The following ABCA13 variants were observed in gnomAD, a reference collection of about 807,000 sequenced individuals.
ABCA13 encodes ATP-binding cassette sub-family A member 13.
A neutral mutation model predicts 478.7 loss-of-function variants in ABCA13; 476 were observed. The observed-to-expected ratio is 0.99, with a 90% CI of 0.92 to 1.07. The LOEUF is 1.07. Among genes scored for constraint, ABCA13 ranks in the 50% least tolerant of loss-of-function variants. ABCA13 has a pLI of 0.00. For synonymous variants in ABCA13, 2,252 were observed against 2,158.9 expected (o/e 1.04, Z -1.20); for missense variants, 6,060 against 5,910.6 (o/e 1.03, Z -0.83).
chr7:48,414,533 AAAT>A (rs1284216090), intron 41 of ABCA13, among the ~76,000 whole-genome samples: 1 of 150,014 alleles, frequency 6.7e-6, no homozygotes, highest in African/African-American at 2.4e-5. Flanking sequence ...TTATTTAATA[AAAT>A]AATACATATA....
chr7:48,225,463 T>G (rs772106366), intron 5 of ABCA13, among the ~76,000 whole-genome samples: 1 of 152,202 alleles, frequency 6.6e-6, no homozygotes, highest in Non-Finnish European at 1.5e-5. Flanking sequence ...AAATTAACAC[T>G]AATACAATAG....
intron 45 of ABCA13, among the ~76,000 whole-genome samples, chr7:48,475,709 C>T (rs571920082): frequency 7.2e-5 from 11 of 152,178 alleles, no homozygotes; most frequent in South Asian, 6.2e-4. Context: ...TGTCATCCAC[C>T]TGCCTCGGCC....
At chr7:48,412,326 T>G (rs748903891) in intron 40 of ABCA13, 27 bp from the exon 41 acceptor site, 4 of 1,567,592 alleles carry the variant, frequency 2.6e-6, no homozygotes, top group African/African-American at 1.4e-5. Context: ...CCTTACTGGC[T>G]TCTTTTTTCC....
chr7:48,178,813 C>T (rs948408529), intron 1 of ABCA13, among the ~76,000 whole-genome samples: 5 of 151,168 alleles, frequency 3.3e-5, no homozygotes, highest in Admixed American at 1.3e-4. Context: ...TTTACCAATT[C>T]GACTGTCAGG....
intron 53 of ABCA13, 72 bp from the exon 54 acceptor site, chr7:48,524,175 AC>A: frequency 7.2e-7 from 1 of 1,397,744 alleles, no homozygotes; most frequent in Non-Finnish European, 9.7e-7. Context: ...CAAATCTCTG[AC>A]CTTTTTGCCT....
intron 1 of ABCA13, among the ~76,000 whole-genome samples, chr7:48,175,393 C>T (rs936370602): frequency 6.6e-6 from 1 of 152,034 alleles, no homozygotes; most frequent in African/African-American, 2.4e-5. Flanking sequence ...TCAATATTCT[C>T]CTTGTAGCAA....
intron 38 of ABCA13, among the ~76,000 whole-genome samples, chr7:48,397,454 A>G (rs974822140): frequency 2.0e-5 from 3 of 152,024 alleles, no homozygotes; most frequent in Non-Finnish European, 4.4e-5. Flanking sequence ...AAAACTCCTT[A>G]TAATAAAAAA....
chr7:48,281,984 G>A (rs1797117874), intron 19 of ABCA13, among the ~76,000 whole-genome samples: 1 of 152,162 alleles, frequency 6.6e-6, no homozygotes, highest in Admixed American at 6.5e-5. Context: ...TACAGCCGTG[G>A]CACTTATTGC....
At chr7:48,627,206 C>A in intron 59 of ABCA13, 1 of 318,234 alleles carries the variant, frequency 3.1e-6, no homozygotes, top group Non-Finnish European at 4.5e-6. Flanking sequence ...GGCCCCAAAA[C>A]AGAGTCAGTA....
chr7:48,245,732 G>C, intron 12 of ABCA13, 120 bp downstream of exon 12: 2 of 1,433,310 alleles, frequency 1.4e-6, no homozygotes, highest in South Asian at 2.9e-5. Context: ...ACAATATGCA[G>C]GTTTTTCAAA....
intron 55 of ABCA13, among the ~76,000 whole-genome samples, chr7:48,557,699 G>A (rs1785985084): frequency 6.6e-6 from 1 of 151,512 alleles, no homozygotes; most frequent in South Asian, 2.1e-4. Flanking sequence ...AAATCTGCTT[G>A]GTGTTCTATT....
intron 10 of ABCA13, among the ~76,000 whole-genome samples, chr7:48,242,721 G>A (rs1373032856): frequency 6.6e-6 from 1 of 152,182 alleles, no homozygotes; most frequent in African/African-American, 2.4e-5. Context: ...TTCCAGGCGT[G>A]AGCCACCGCA....
intron 2 of ABCA13, 115 bp downstream of exon 2, chr7:48,193,167 T>C (rs1797331329): frequency 1.3e-6 from 1 of 749,554 alleles, no homozygotes; most frequent in Non-Finnish European, 2.2e-6. Context: ...ATAGATAGGG[T>C]TTCATTATGA....
chr7:48,181,174 C>T (rs975487307), intron 1 of ABCA13, among the ~76,000 whole-genome samples: 12 of 152,118 alleles, frequency 7.9e-5, no homozygotes, highest in African/African-American at 2.2e-4. Flanking sequence ...ACTGACTACA[C>T]GTATTAGGGC....
At chr7:48,176,929 GTT>G (rs1220359418) in intron 1 of ABCA13, among the ~76,000 whole-genome samples, 1 of 152,050 alleles carries the variant, frequency 6.6e-6, no homozygotes, top group African/African-American at 2.4e-5. Flanking sequence ...ATGTGTGTGT[GTT>G]TCTTTTCTAA....
chr7:48,491,234 A>C (rs1337806950), intron 48 of ABCA13, among the ~76,000 whole-genome samples: 1 of 152,192 alleles, frequency 6.6e-6, no homozygotes, highest in African/African-American at 2.4e-5. Flanking sequence ...AGTTTGGTAG[A>C]GCAGTCATAG....
intron 18 of ABCA13, 145 bp downstream of exon 18, chr7:48,280,065 A>G: frequency 1.2e-6 from 1 of 801,738 alleles, no homozygotes. Context: ...TTCAACATAG[A>G]GCAATTCAGG....
At chr7:48,532,054 A>G (rs1335070460) in intron 55 of ABCA13, among the ~76,000 whole-genome samples, 1 of 152,064 alleles carries the variant, frequency 6.6e-6, no homozygotes, top group Non-Finnish European at 1.5e-5. Flanking sequence ...AAGTGCTGAA[A>G]GTGGGCATCC....
intron 27 of ABCA13, among the ~76,000 whole-genome samples, chr7:48,334,337 ATT>A (rs57409709): frequency 1.5e-4 from 21 of 138,782 alleles, no homozygotes; most frequent in African/African-American, 2.6e-4. Context: ...CTCTATCCCT[ATT>A]TTTTTTTTTT....
Sources: gnomAD v4.1 joint callset for allele counts (sites outside exome capture counted in the v4.1 genomes callset) on GRCh38, gnomAD v4.1.1 for gene constraint, MANE v1.5 for transcripts, NCBI Gene and HGNC (gene_info 2026-07-23, HGNC 2026-07-21) for gene names.